Variants in NRXN1 observed in about 807,000 individuals in gnomAD.
NRXN1 encodes neurexin-1.
A neutral mutation model predicts 150.9 loss-of-function variants in NRXN1; 39 were observed. That is an observed-to-expected ratio of 0.26 (90% CI 0.20 to 0.34). NRXN1 has a LOEUF of 0.34. NRXN1 is among the 10% of genes least tolerant of loss of function. The probability of loss-of-function intolerance (pLI) is 1.00; values close to 1 mark genes in which losing one functional copy is unlikely to be tolerated. For missense variants in NRXN1, 1,815 were observed against 1,949.9 expected (o/e 0.93, Z 1.30); for synonymous variants, 924 against 757.0 (o/e 1.22, Z -3.62).
At position 50,987,092 on chromosome 2, in the gene NRXN1, G is replaced by A. The variant is rs150985913; in HGVS notation, c.772+40410C>T. Among the ~76,000 whole-genome samples, 511 of 151,722 alleles carry A rather than the reference G, an allele frequency of 3.4e-3. 3 individuals are homozygous for A. The highest frequency in any genetic ancestry group is 0.011 in the African/African-American group (471 of 41,464). On this transcript the variant is annotated intron_variant, in intron 2 of 22. Transcript: ENST00000401669. Reference sequence around the variant, plus strand: ...ATTCAGTTATACAAATTAAACAAGAGGAGAAAACTTTTAAAAAACAAAAAC... The same window carrying A: ...ATTCAGTTATACAAATTAAACAAGAAGAGAAAACTTTTAAAAAACAAAAAC...
At chr2:49,956,663 G>T (rs193190971) in intron 21 of NRXN1, among the ~76,000 whole-genome samples, 1 of 152,224 alleles carries the variant, frequency 6.6e-6, no homozygotes. Context: ...TAAATTTAGG[G>T]AAGAGAATTA....
chr2:50,359,717 G>A (rs369753668), intron 17 of NRXN1, among the ~76,000 whole-genome samples: 112 of 152,142 alleles, frequency 7.4e-4, no homozygotes, highest in African/African-American at 2.6e-3. Context: ...TGCCCAACCC[G>A]CAAGACAGGC....
intron 2 of NRXN1, among the ~76,000 whole-genome samples, chr2:50,928,202 A>C (rs1370083249): frequency 6.6e-6 from 1 of 152,016 alleles, no homozygotes; most frequent in East Asian, 1.9e-4. Context: ...CTGTCTCAGA[A>C]AATTTAGATT....
Position 50,542,455 on chromosome 2 carries a change from A to G in NRXN1, c.1760-3819T>C, listed in dbSNP as rs79247498. ...CACATCAGGCAAATGGATGGATCAG[A>G]TATCAGTCATTGGAATATTATGCAA... On this transcript the variant is annotated intron_variant, in intron 9 of 22. Transcript: ENST00000401669. 7.9e-5 allele frequency among the ~76,000 whole-genome samples: 12 copies of G among 152,346 alleles called. No homozygotes were observed. The East Asian group carries it at 1.4e-3, about 17-fold the overall frequency.
At chr2:50,106,151 A>G (rs561360257) in intron 18 of NRXN1, among the ~76,000 whole-genome samples, 3 of 151,862 alleles carry the variant, frequency 2.0e-5, no homozygotes, top group African/African-American at 7.2e-5. Context: ...ATAATTTGTA[A>G]TTATTTAAAT....
chr2:50,894,882 T>C (rs889600802), intron 5 of NRXN1, among the ~76,000 whole-genome samples: 2 of 152,214 alleles, frequency 1.3e-5, no homozygotes. Context: ...TAACATTTGT[T>C]TGACTAGGCA....
chr2:50,952,410 T>G (rs1691539707), intron 2 of NRXN1, among the ~76,000 whole-genome samples: 1 of 152,210 alleles, frequency 6.6e-6, no homozygotes, highest in Non-Finnish European at 1.5e-5. Flanking sequence ...AATTCTACAA[T>G]GTAAAACCCT....
chr2:50,350,634 G>A (rs140801935), intron 17 of NRXN1, among the ~76,000 whole-genome samples: 113 of 152,284 alleles, frequency 7.4e-4, no homozygotes, highest in Middle Eastern at 3.4e-3. Flanking sequence ...ACTTTGGAGA[G>A]CGATTTGTAT....
intron 18 of NRXN1, among the ~76,000 whole-genome samples, chr2:50,202,940 A>G (rs1340290624): frequency 1.3e-5 from 2 of 152,176 alleles, no homozygotes; most frequent in East Asian, 3.9e-4. Flanking sequence ...TAAACAGTGA[A>G]AGGGACACAG....
intron 17 of NRXN1, among the ~76,000 whole-genome samples, chr2:50,278,772 G>A (rs1447413822): frequency 6.6e-6 from 1 of 152,092 alleles, no homozygotes; most frequent in Non-Finnish European, 1.5e-5. Flanking sequence ...AAAATATTGT[G>A]AACAGGCTGA....
intron 5 of NRXN1, among the ~76,000 whole-genome samples, chr2:50,766,744 A>T (rs985661023): frequency 1.3e-5 from 2 of 151,980 alleles, no homozygotes; most frequent in African/African-American, 2.4e-5. Flanking sequence ...AAGTCTGGCC[A>T]CCAGGGAGGG....
At chr2:50,929,692 C>A (rs1276041104) in intron 2 of NRXN1, among the ~76,000 whole-genome samples, 1 of 152,090 alleles carries the variant, frequency 6.6e-6, no homozygotes, top group East Asian at 1.9e-4. Context: ...TTCCTCCATA[C>A]AGGGAGTGTG....
At chr2:50,799,572 G>A (rs992663224) in intron 5 of NRXN1, among the ~76,000 whole-genome samples, 4 of 152,180 alleles carry the variant, frequency 2.6e-5, no homozygotes, top group African/African-American at 4.8e-5. Context: ...ACTAGAAACC[G>A]TACGTCGAGT....
intron 5 of NRXN1, among the ~76,000 whole-genome samples, chr2:50,840,740 A>C (rs1167705450): frequency 6.6e-6 from 1 of 152,172 alleles, no homozygotes; most frequent in African/African-American, 2.4e-5. Flanking sequence ...TAGGGGATTC[A>C]TCACAAATGA....
chr2:50,149,078 C>T lies in NRXN1; in HGVS notation c.3547-57584G>A, dbSNP rs533258123. Among the ~76,000 whole-genome samples the T allele has an allele frequency of 1.4e-4, 22 of 151,774 alleles. No individual in the cohort carries two copies. In the South Asian group the frequency reaches 1.5e-3, roughly 10 times the overall value. ...GTCTTTCAGCAATGCATGGCTTTTG[C>T]CTACAGCAGCAGAGAGGGAAGGTGG... On this transcript the variant is annotated intron_variant, in intron 18 of 22. Transcript: ENST00000401669.
intron 17 of NRXN1, among the ~76,000 whole-genome samples, chr2:50,256,612 C>T (rs920696137): frequency 2.0e-5 from 3 of 152,100 alleles, no homozygotes; most frequent in African/African-American, 4.8e-5. Flanking sequence ...GAGTTGGATT[C>T]TGCTGATGTT....
At chr2:50,862,009 C>A (rs563890795) in intron 5 of NRXN1, among the ~76,000 whole-genome samples, 1 of 151,816 alleles carries the variant, frequency 6.6e-6, no homozygotes, top group African/African-American at 2.4e-5. Flanking sequence ...CAAGACCAGC[C>A]TGGCCAACAT....
intron 21 of NRXN1, among the ~76,000 whole-genome samples, chr2:50,036,001 G>A (rs560527478): frequency 6.6e-6 from 1 of 152,200 alleles, no homozygotes; most frequent in African/African-American, 2.4e-5. Flanking sequence ...GTACCCACAA[G>A]GAATGAATAG....
intron 5 of NRXN1, among the ~76,000 whole-genome samples, chr2:50,803,798 T>A (rs1667139637): frequency 6.6e-6 from 1 of 152,140 alleles, no homozygotes; most frequent in African/African-American, 2.4e-5. Context: ...GCAATTTCTT[T>A]TCTATGCTTA....
Sources: allele counts gnomAD v4.1 joint callset (sites outside exome capture counted in the v4.1 genomes callset), GRCh38; gene constraint gnomAD v4.1.1; transcripts MANE v1.5; gene names NCBI Gene and HGNC (gene_info 2026-07-23, HGNC 2026-07-21).